GOT2: variants seen among roughly 807,000 people sequenced by gnomAD.
GOT2 encodes the protein aspartate aminotransferase, mitochondrial.
GOT2 carries 17 observed loss-of-function variants against 50.0 expected under a neutral mutation model. The observed-to-expected ratio is 0.34, with a 90% confidence interval of 0.23 to 0.51. The LOEUF (loss-of-function observed/expected upper bound fraction) is 0.51. Ranked by LOEUF, GOT2 falls within the 20% of genes least tolerant of loss-of-function variation. The pLI is 0.97. For missense variants in GOT2, 430 were observed against 559.6 expected (o/e 0.77, Z 2.34); for synonymous variants, 172 against 204.9 (o/e 0.84, Z 1.37).
At chr16:58,717,696 T>G (rs2044705287) in intron 6 of GOT2, among the ~76,000 whole-genome samples, 1 of 152,206 alleles carries the variant, frequency 6.6e-6, no homozygotes, top group Non-Finnish European at 1.5e-5. Context: ...TATTTTCTTT[T>G]TTTCTTTTTT....
At chr16:58,731,697 T>C (rs2044836107) in intron 1 of GOT2, among the ~76,000 whole-genome samples, 1 of 152,228 alleles carries the variant, frequency 6.6e-6, no homozygotes. Flanking sequence ...TTTAGCTAAA[T>C]GATACACTTG....
Position 58,716,196 on chromosome 16 carries a change from G to A in GOT2, c.854-17C>T. ...CACGCTCACCTGAAAGACAAAAATG[G>A]ATCTCGTCTTCTACTTCTACTATCT... On this transcript the variant is annotated splice_polypyrimidine_tract_variant and intron_variant, in intron 7 of 9. Transcript: ENST00000245206. 2 of 1,611,174 alleles carry A rather than the reference G, an allele frequency of 1.2e-6. No individual in the cohort carries two copies. Among genetic ancestry groups the A allele is most frequent in the Non-Finnish European group, 1.7e-6 (2 of 1,178,328 alleles).
intron 1 of GOT2, among the ~76,000 whole-genome samples, chr16:58,732,025 C>A (rs984113403): frequency 3.3e-5 from 5 of 152,184 alleles, no homozygotes; most frequent in African/African-American, 1.2e-4. Context: ...ATTAGGTGCT[C>A]AACTATTTCA....
intron 3 of GOT2, 144 bp downstream of exon 3, chr16:58,722,006 C>G (rs2044744320): frequency 1.4e-6 from 1 of 736,440 alleles, no homozygotes; most frequent in South Asian, 1.9e-5. Flanking sequence ...TCTCGAACTC[C>G]CGACCTCAGA....
rs2044856483 is a variant in GOT2, at chr16:58,733,986, A to T, written c.89+154T>A. 5 of 411,148 alleles carry T rather than the reference A, an allele frequency of 1.2e-5. No homozygotes were observed. In the East Asian group the frequency reaches 1.4e-4, roughly 12 times the overall value. The allele number at this position is 411,148 out of a possible 1,614,324, so 25.5% of individuals were successfully genotyped here. On this transcript the variant is annotated intron_variant, in intron 1 of 9. Transcript: ENST00000245206. Reference sequence around the variant, plus strand: ...GACGCTCAATCCTCAGTCCCCAGTAAGGGAAAGCCGAGGGGGTGGCAGAAA... The same window carrying T: ...GACGCTCAATCCTCAGTCCCCAGTATGGGAAAGCCGAGGGGGTGGCAGAAA...
chr16:58,730,158 G>T (rs1413485709), intron 1 of GOT2, among the ~76,000 whole-genome samples: 1 of 152,136 alleles, frequency 6.6e-6, no homozygotes, highest in Admixed American at 6.6e-5. Context: ...AAACTCTGGG[G>T]GAAAGCAGGT....
Position 58,729,582 on chromosome 16 carries a change from A to G in GOT2, c.89+4558T>C, listed in dbSNP as rs111990594. The stretch of plus-strand genomic sequence containing the variant: ...CTCAATCATAACAAAGCCACTGCCC[A>G]TTGCTCCCTACCACAAGGAGAGAAA... On this transcript the variant is annotated intron_variant, in intron 1 of 9. Transcript: ENST00000245206. Among the ~76,000 whole-genome samples, 241 of 152,156 alleles carry G rather than the reference A, an allele frequency of 1.6e-3. 2 individuals are homozygous for G. Among genetic ancestry groups the G allele is most frequent in the African/African-American group, 5.6e-3 (231 of 41,510 alleles).
intron 3 of GOT2, among the ~76,000 whole-genome samples, chr16:58,720,878 G>T (rs149028851): frequency 4.1e-4 from 63 of 152,250 alleles, no homozygotes; most frequent in East Asian, 1.2e-3. Flanking sequence ...GAGCCACTGC[G>T]CCCGGCTGAG....
rs151284672 is a variant in GOT2 at position 58,712,086 on chromosome 16, A to G, written c.1020-2519T>C. On this transcript the variant is annotated intron_variant, in intron 8 of 9. Transcript: ENST00000245206. Reference sequence around the variant, plus strand: ...TCCTTGTCCGTTTCATTTCCTTTGCAAAAAAAAAAGCCCTTTCCCCTCTTT... The same window carrying G: ...TCCTTGTCCGTTTCATTTCCTTTGCGAAAAAAAAAGCCCTTTCCCCTCTTT... 5.0e-3 allele frequency among the ~76,000 whole-genome samples: 747 copies of G among 148,128 alleles called. 15 individuals carry two copies. Among genetic ancestry groups the G allele is most frequent in the East Asian group, 0.046 (231 of 5,076 alleles).
At chr16:58,708,849 TA>T (rs55838325) in intron 9 of GOT2, among the ~76,000 whole-genome samples, 13 of 146,836 alleles carry the variant, frequency 8.9e-5, no homozygotes, top group African/African-American at 1.0e-4. Flanking sequence ...GGTAAACAAC[TA>T]AAAAAAAAAA....
At chr16:58,708,793 A>G (rs572116635) in intron 9 of GOT2, among the ~76,000 whole-genome samples, 5 of 152,122 alleles carry the variant, frequency 3.3e-5, no homozygotes, top group African/African-American at 4.8e-5. Flanking sequence ...TGATCAAAAC[A>G]AGCTCTGCTC....
At chr16:58,727,600 AGAT>A (rs1475428158) in intron 1 of GOT2, among the ~76,000 whole-genome samples, 2 of 152,078 alleles carry the variant, frequency 1.3e-5, no homozygotes, top group African/African-American at 2.4e-5. Context: ...CACTGCAGGG[AGAT>A]GATGGATAGT....
intron 7 of GOT2, 73 bp from the exon 8 acceptor site, chr16:58,716,252 G>A: frequency 1.4e-6 from 2 of 1,394,142 alleles, no homozygotes; most frequent in Non-Finnish European, 2.0e-6. Context: ...GAGTGTATTT[G>A]CTACGTATTA....
rs181687585 is a variant in GOT2 at position 58,711,689 on chromosome 16, T to C, written c.1020-2122A>G. On this transcript the variant is annotated intron_variant, in intron 8 of 9. Transcript: ENST00000245206. ...AGCACTGTATTAGCAAAATAATTAC[T>C]GGCTGGAGCTGAGGAGCCCCTGGCC... Among the ~76,000 whole-genome samples, 32 of 152,366 alleles carry C rather than the reference T, an allele frequency of 2.1e-4. No individual in the cohort carries two copies. The East Asian group carries it at 6.0e-3, about 28-fold the overall frequency.
chr16:58,725,929 T>C (rs117641234), intron 1 of GOT2, among the ~76,000 whole-genome samples: 523 of 152,366 alleles, frequency 3.4e-3, no homozygotes, highest in Non-Finnish European at 5.2e-3. Flanking sequence ...CTTTAGATCC[T>C]GTTATACTCT....
intron 8 of GOT2, among the ~76,000 whole-genome samples, chr16:58,714,950 AC>A (rs2044680027): frequency 1.3e-5 from 2 of 152,010 alleles, no homozygotes; most frequent in East Asian, 3.9e-4. Flanking sequence ...GGTGTGAGCC[AC>A]TGTGCCCAGA....
At chr16:58,729,460 A>C (rs2044814701) in intron 1 of GOT2, among the ~76,000 whole-genome samples, 1 of 150,350 alleles carries the variant, frequency 6.7e-6, no homozygotes, top group Non-Finnish European at 1.5e-5. Context: ...CTAGTGTTTG[A>C]GACAAGCCTG....
At chr16:58,730,709 T>G (rs887721570) in intron 1 of GOT2, among the ~76,000 whole-genome samples, 1 of 152,186 alleles carries the variant, frequency 6.6e-6, no homozygotes, top group Non-Finnish European at 1.5e-5. Flanking sequence ...AGTAACCATC[T>G]TTCAACTCCT....
Position 58,716,665 on chromosome 16 carries a change from T to A in GOT2, c.851A>T (p.Tyr284Phe). ...TCATGCTGGATGCTGTAGCTTACCA[T>A]ATAAGCCCATGTTCTTGGCATATGA... ...CQSYAKNMGLYGERVGAFTMV... is the reference protein window; with the variant it reads ...CQSYAKNMGLFGERVGAFTMV... Residue 284 changes from tyrosine to phenylalanine, a missense_variant and splice_region_variant, in exon 7 of 10, where the codon TAT becomes TTT. Physicochemically the swap from Tyr to Phe is conservative, Grantham distance 22. Transcript: ENST00000245206. The A allele has an allele frequency of 1.2e-6, 2 of 1,613,434 alleles. No homozygotes were observed. Among genetic ancestry groups the A allele is most frequent in the Non-Finnish European group, 1.7e-6 (2 of 1,179,706 alleles).
Sources: gnomAD v4.1 joint callset for allele counts (sites outside exome capture counted in the v4.1 genomes callset) on GRCh38, gnomAD v4.1.1 for gene constraint, MANE v1.5 for transcripts, NCBI Gene and HGNC (gene_info 2026-07-23, HGNC 2026-07-21) for gene names.